The following ASXL2 variants were observed in gnomAD, a reference collection of about 807,000 sequenced individuals.
ASXL2 encodes the protein ASXL transcriptional regulator 2, also known as putative Polycomb group protein ASXL2.
ASXL2 carries 23 observed loss-of-function variants against 122.0 expected under a neutral mutation model. The observed-to-expected ratio is 0.19, with a 90% CI of 0.14 to 0.27. The LOEUF (loss-of-function observed/expected upper bound fraction) is 0.27, where lower values mean the gene tolerates loss of function less well. Ranked by LOEUF, ASXL2 falls within the 10% of genes least tolerant of loss-of-function variation. The probability of loss-of-function intolerance (pLI) is 1.00; values close to 1 mark genes in which losing one functional copy is unlikely to be tolerated. For synonymous variants in ASXL2, 650 were observed against 637.0 expected (o/e 1.02, Z -0.31); for missense variants, 1,518 against 1,713.8 (o/e 0.89, Z 2.02).
chr2:25,742,364 G>C lies in ASXL2; in HGVS notation c.3973C>G (p.Pro1325Ala). The change falls in exon 13 of 13, where the codon CCA becomes GCA. Residue 1325 changes from proline (P) to alanine (A), a missense_variant. By Grantham distance (27) the Pro-to-Ala change is conservative. Around this residue, in one of 8 missense-constraint regions of ASXL2, gnomAD observed 831 missense variants for 833.1 expected, o/e 1.00. Coordinates refer to ENST00000435504, the MANE Select transcript of ASXL2 (RefSeq NM_018263.6). ...KLYGSPTQIG[P>A]SYRGMINVST... ...ACATTGATCATGCCTCTATAGCTTG[G>C]CCCTATCTGGGTGGGGCTTCCATAC... 1 of 1,546,660 alleles carries C rather than the reference G, an allele frequency of 6.5e-7. No individual in the cohort carries two copies. The highest frequency in any genetic ancestry group is 8.7e-7 in the Non-Finnish European group (1 of 1,145,862).
intron 1 of ASXL2, among the ~76,000 whole-genome samples, chr2:25,855,195 G>C (rs1255049813): frequency 6.6e-6 from 1 of 152,112 alleles, no homozygotes; most frequent in Non-Finnish European, 1.5e-5. Flanking sequence ...AATCAGACAG[G>C]CACATACACA....
chr2:25,855,401 G>A (rs2149197606), intron 1 of ASXL2, among the ~76,000 whole-genome samples: 1 of 152,186 alleles, frequency 6.6e-6, no homozygotes, highest in South Asian at 2.1e-4. Context: ...TAAAAATTAA[G>A]CTCATGCCTG....
intron 7 of ASXL2, among the ~76,000 whole-genome samples, chr2:25,767,987 C>A (rs1032590184): frequency 6.6e-5 from 10 of 152,120 alleles, no homozygotes; most frequent in Non-Finnish European, 1.2e-4. Flanking sequence ...CTGGCAGGCC[C>A]ATAGAATCAG....
chr2:25,837,118 T>C (rs190032597), intron 2 of ASXL2, among the ~76,000 whole-genome samples: 4 of 137,944 alleles, frequency 2.9e-5, no homozygotes, highest in Non-Finnish European at 6.1e-5. Flanking sequence ...CTAAAGGCAA[T>C]AGCTACTTCA....
chr2:25,773,527 G>T (rs1559507109), intron 5 of ASXL2, among the ~76,000 whole-genome samples: 2 of 151,928 alleles, frequency 1.3e-5, no homozygotes, highest in Admixed American at 6.6e-5. Flanking sequence ...TTAGCTGGGT[G>T]TGGTGGCGGG....
intron 3 of ASXL2, among the ~76,000 whole-genome samples, chr2:25,815,711 G>A (rs1315569590): frequency 6.6e-6 from 1 of 152,310 alleles, no homozygotes; most frequent in Non-Finnish European, 1.5e-5. Context: ...AAAATTGAAG[G>A]AAGCAGAGCT....
At chr2:25,827,530 T>C (rs920352052) in intron 3 of ASXL2, among the ~76,000 whole-genome samples, 4 of 152,212 alleles carry the variant, frequency 2.6e-5, no homozygotes, top group African/African-American at 9.6e-5. Context: ...AATTCCACCA[T>C]GATTGATTCA....
intron 3 of ASXL2, among the ~76,000 whole-genome samples, chr2:25,834,353 C>CA (rs1008685122): frequency 4.6e-5 from 7 of 151,564 alleles, no homozygotes; most frequent in Non-Finnish European, 1.0e-4. Flanking sequence ...ACTCTGTCTC[C>CA]AAAAAAATAA....
intron 1 of ASXL2, among the ~76,000 whole-genome samples, chr2:25,854,398 G>C (rs952362313): frequency 1.3e-5 from 2 of 151,920 alleles, no homozygotes; most frequent in African/African-American, 4.8e-5. Context: ...TTTTTTTTCA[G>C]ATGTGAAAAC....
intron 1 of ASXL2, chr2:25,856,972 T>C (rs1215306271): frequency 2.4e-6 from 1 of 414,492 alleles, no homozygotes; most frequent in Non-Finnish European, 4.4e-6. Flanking sequence ...AGTTCTAGAA[T>C]AATGCCAAAT....
intron 2 of ASXL2, among the ~76,000 whole-genome samples, chr2:25,836,820 C>T (rs918801459): frequency 6.6e-6 from 1 of 152,116 alleles, no homozygotes; most frequent in Non-Finnish European, 1.5e-5. Flanking sequence ...CTTGGGATCA[C>T]TCATGAATGG....
intron 3 of ASXL2, 50 bp from the exon 4 acceptor site, chr2:25,806,387 T>C (rs561820780): frequency 1.0e-5 from 13 of 1,243,254 alleles, no homozygotes; most frequent in African/African-American, 1.0e-4. Flanking sequence ...TTAATTTCTG[T>C]CTCTGAATAT....
intron 6 of ASXL2, among the ~76,000 whole-genome samples, chr2:25,769,568 T>C (rs956237185): frequency 2.6e-5 from 4 of 151,902 alleles, no homozygotes; most frequent in African/African-American, 9.7e-5. Flanking sequence ...AAAATATACT[T>C]GATAATGCTA....
chr2:25,769,640 G>T (rs1173086910), intron 6 of ASXL2, among the ~76,000 whole-genome samples: 1 of 150,806 alleles, frequency 6.6e-6, no homozygotes, highest in Non-Finnish European at 1.5e-5. Context: ...CATTATGAAG[G>T]CAACTTTTAA....
intron 3 of ASXL2, among the ~76,000 whole-genome samples, chr2:25,815,116 C>T (rs2089217765): frequency 6.6e-6 from 1 of 152,184 alleles, no homozygotes; most frequent in Non-Finnish European, 1.5e-5. Context: ...CTCACCCTCA[C>T]ATACAACTAT....
intron 8 of ASXL2, among the ~76,000 whole-genome samples, chr2:25,762,073 T>C (rs1012343304): frequency 1.3e-5 from 2 of 152,088 alleles, no homozygotes; most frequent in East Asian, 1.9e-4. Flanking sequence ...TAAGTCTAGA[T>C]AGAAAAGATT....
intron 5 of ASXL2, among the ~76,000 whole-genome samples, chr2:25,786,618 C>T (rs1197404973): frequency 2.6e-5 from 4 of 152,118 alleles, no homozygotes; most frequent in Admixed American, 6.5e-5. Flanking sequence ...CTTTGAGAGG[C>T]TAAGGCAGGT....
intron 4 of ASXL2, among the ~76,000 whole-genome samples, chr2:25,804,282 T>A (rs1185228359): frequency 6.6e-6 from 1 of 152,188 alleles, no homozygotes; most frequent in Admixed American, 6.5e-5. Flanking sequence ...AAGCATTCAT[T>A]CCCCTTCAGC....
chr2:25,792,584 A>G (rs1252209201), intron 5 of ASXL2, among the ~76,000 whole-genome samples: 1 of 152,134 alleles, frequency 6.6e-6, no homozygotes, highest in African/African-American at 2.4e-5. Flanking sequence ...AAACCCAAAG[A>G]GTAATCTAGT....
Sources: allele counts gnomAD v4.1 joint callset (sites outside exome capture counted in the v4.1 genomes callset), GRCh38; gene constraint gnomAD v4.1.1; regional missense constraint gnomAD v4.1.1; transcripts MANE v1.5; gene names NCBI Gene and HGNC (gene_info 2026-07-23, HGNC 2026-07-21).